The following MED13L variants were observed in gnomAD, a reference collection of about 807,000 sequenced individuals.
The protein encoded by MED13L is mediator of RNA polymerase II transcription subunit 13-like.
A neutral mutation model predicts 220.9 loss-of-function variants in MED13L; 7 were observed. The observed-to-expected ratio is 0.03, with a 90% CI of 0.02 to 0.06. The LOEUF (loss-of-function observed/expected upper bound fraction) is 0.06, where lower values mean the gene tolerates loss of function less well. Among genes scored for constraint, MED13L ranks in the 10% least tolerant of loss-of-function variants. The probability of loss-of-function intolerance (pLI) is 1.00; values close to 1 mark genes in which losing one functional copy is unlikely to be tolerated. For missense variants in MED13L, 1,965 were observed against 2,760.5 expected (o/e 0.71, Z 6.46); for synonymous variants, 1,011 against 1,015.2 (o/e 1.00, Z 0.08).
At chr12:116,051,290 G>GA (rs1447820906) in intron 4 of MED13L, among the ~76,000 whole-genome samples, 2 of 151,512 alleles carry the variant, frequency 1.3e-5, no homozygotes, top group Non-Finnish European at 2.9e-5. Context: ...ATGACAGAGC[G>GA]AGACTCTGTC....
At chr12:115,964,658 T>A (rs901111574) in intron 29 of MED13L, among the ~76,000 whole-genome samples, 14 of 152,342 alleles carry the variant, frequency 9.2e-5, no homozygotes, top group Non-Finnish European at 1.9e-4. Context: ...TCATTTTTTT[T>A]AATGATCACA....
chr12:115,980,606 G>C (rs1877258351), intron 23 of MED13L, 144 bp downstream of exon 23: 1 of 889,516 alleles, frequency 1.1e-6, no homozygotes, highest in South Asian at 1.4e-5. Context: ...CTACAGGTGT[G>C]AGCCAACACA....
chr12:116,012,709 G>A (rs1028658314), intron 9 of MED13L, 88 bp downstream of exon 9: 4 of 957,050 alleles, frequency 4.2e-6, no homozygotes, highest in Non-Finnish European at 6.9e-6. Flanking sequence ...TGGAGAATCA[G>A]GAAGAACTGA....
chr12:116,145,659 CTATTTATT>C (rs558385895), intron 2 of MED13L, among the ~76,000 whole-genome samples: 168 of 123,598 alleles, frequency 1.4e-3, no homozygotes, highest in Middle Eastern at 3.9e-3. Flanking sequence ...ACACTCAACT[CTATTTATT>C]TATTTATTTA....
At chr12:115,975,817 G>A in intron 23 of MED13L, 79 bp from the exon 24 acceptor site, 1 of 1,364,732 alleles carries the variant, frequency 7.3e-7, no homozygotes, top group South Asian at 1.2e-5. Flanking sequence ...ACGACACTGA[G>A]GGGACCCACA....
chr12:116,112,676 T>C (rs538795781), intron 2 of MED13L, among the ~76,000 whole-genome samples: 3 of 152,292 alleles, frequency 2.0e-5, no homozygotes, highest in Non-Finnish European at 4.4e-5. Flanking sequence ...GCAAGAGAAA[T>C]AAAGTACAGC....
Position 116,124,123 on chromosome 12 carries a change from C to CGAGAGAGAGAGAGAGAGAGA in MED13L, c.311-12631_311-12612dup, listed in dbSNP as rs58366115. Among the ~76,000 whole-genome samples the CGAGAGAGAGAGAGAGAGAGA allele has an allele frequency of 6.2e-3, 827 of 133,144 alleles. 10 individuals are homozygous for CGAGAGAGAGAGAGAGAGAGA. Among genetic ancestry groups the CGAGAGAGAGAGAGAGAGAGA allele is most frequent in the Middle Eastern group, 0.012 (3 of 256 alleles). 87.3% of individuals were successfully genotyped at this position (133,144 alleles called of 152,430 possible). ...ACATCTGCAGAGAGAGAGAGAAAGACGAGAGAGAGAGAGAGAGAGAGAGAG... is the reference window on the plus strand; with the variant it reads ...ACATCTGCAGAGAGAGAGAGAAAGACGAGAGAGAGAGAGAGAGAGAGAGAGAGAGAGAGAGAGAGAGAGAG... On this transcript the variant is annotated intron_variant, in intron 2 of 30. Transcript: ENST00000281928.
intron 1 of MED13L, among the ~76,000 whole-genome samples, chr12:116,256,135 A>T: frequency 6.6e-6 from 1 of 152,214 alleles, no homozygotes; most frequent in East Asian, 1.9e-4. Context: ...AATGATACAA[A>T]CATTTTATTT....
At position 116,052,168 on chromosome 12, in the gene MED13L, A is replaced by G. The variant is rs140319619; in HGVS notation, c.480-29567T>C. Among the ~76,000 whole-genome samples the G allele has an allele frequency of 6.4e-4, 97 of 152,288 alleles. 1 individual carries two copies. Among genetic ancestry groups the G allele is most frequent in the African/African-American group, 2.2e-3 (90 of 41,560 alleles). On this transcript the variant is annotated intron_variant, in intron 4 of 30. Coordinates refer to ENST00000281928, the MANE Select transcript of MED13L (RefSeq NM_015335.5). ...AAAAACAGTTTCGTAGTGTTAAATG[A>G]CTTGGATAATGCAAAGGTGTCATTC...
chr12:116,001,892 T>C (rs1475524615), intron 14 of MED13L, among the ~76,000 whole-genome samples: 1 of 152,250 alleles, frequency 6.6e-6, no homozygotes, highest in African/African-American at 2.4e-5. Flanking sequence ...ACTAGCAGGA[T>C]GTCTGCGAGT....
intron 4 of MED13L, among the ~76,000 whole-genome samples, chr12:116,071,074 G>A (rs1566042777): frequency 6.6e-6 from 1 of 151,836 alleles, no homozygotes; most frequent in East Asian, 1.9e-4. Context: ...CGTAATAAAT[G>A]TTCATTGAAG....
At chr12:116,241,080 G>C (rs920622315) in intron 1 of MED13L, among the ~76,000 whole-genome samples, 1 of 151,480 alleles carries the variant, frequency 6.6e-6, no homozygotes, top group South Asian at 2.1e-4. Context: ...AGGCAGAGGC[G>C]GGCGGATCAC....
At chr12:116,109,035 A>G (rs960768106) in intron 3 of MED13L, among the ~76,000 whole-genome samples, 1 of 150,272 alleles carries the variant, frequency 6.7e-6, no homozygotes, top group African/African-American at 2.4e-5. Flanking sequence ...AACTATCCCA[A>G]ACTTTATATG....
In MED13L at chr12:115,991,048, G is replaced by A; in HGVS notation, c.3906C>T (p.Ala1302=). Residue 1302 remains alanine (A), a synonymous_variant, in exon 17 of 31, where the codon GCC becomes GCT. Coordinates refer to ENST00000281928, the MANE Select transcript of MED13L (RefSeq NM_015335.5). The surrounding 1 kb of genome is among the most constrained non-coding windows in gnomAD (Gnocchi z 7.7). ...GKVDEALVRS[A]TVHSWPHSNV... Reference sequence around the variant, plus strand: ...TGCTGTGAGGCCAAGAGTGCACAGTGGCACTTCTCACCAGAGCTTCGTCCA... The same window carrying A: ...TGCTGTGAGGCCAAGAGTGCACAGTAGCACTTCTCACCAGAGCTTCGTCCA... The A allele has an allele frequency of 6.2e-7, 1 of 1,614,076 alleles. No homozygotes were observed. The highest frequency in any genetic ancestry group is 1.3e-5 in the African/African-American group (1 of 75,050).
At chr12:116,140,245 T>A (rs56159711) in intron 2 of MED13L, among the ~76,000 whole-genome samples, 9 of 151,988 alleles carry the variant, frequency 5.9e-5, no homozygotes, top group Admixed American at 4.6e-4. Flanking sequence ...GCGTGATTAT[T>A]GTCTACCTCC....
chr12:116,034,113 C>T (rs565794228), intron 4 of MED13L, among the ~76,000 whole-genome samples: 1 of 152,112 alleles, frequency 6.6e-6, no homozygotes, highest in African/African-American at 2.4e-5. Context: ...ACCTTTAAAG[C>T]CCCAGAATAG....
At chr12:116,239,547 T>C (rs894328073) in intron 1 of MED13L, among the ~76,000 whole-genome samples, 3 of 152,252 alleles carry the variant, frequency 2.0e-5, no homozygotes, top group African/African-American at 7.2e-5. Flanking sequence ...CATAATATTC[T>C]ATTCATTGGA....
chr12:116,050,818 A>G (rs2137584030), intron 4 of MED13L, among the ~76,000 whole-genome samples: 1 of 152,274 alleles, frequency 6.6e-6, no homozygotes, highest in East Asian at 1.9e-4. Flanking sequence ...ACATGCCAGT[A>G]ATCCCAGCTG....
Position 115,987,187 on chromosome 12 carries a change from T to C in MED13L, c.4036A>G (p.Thr1346Ala). The C allele has an allele frequency of 6.2e-7, 1 of 1,614,122 alleles. No individual in the cohort carries two copies. The highest frequency in any genetic ancestry group is 8.5e-7 in the Non-Finnish European group (1 of 1,180,018). Residue 1346 changes from threonine to alanine, a missense_variant, in exon 18 of 31, where the codon ACC becomes GCC. Thr to Ala is a moderately conservative substitution (Grantham distance 58). Transcript: ENST00000281928. ...TGCACATGCTGGATGTTCTCCCAGG[T>C]CCTGCCCGTGCGCTTCTTTTGGATG... is the stretch of plus-strand genomic sequence containing the variant. ...DAIQKKRTGR[T>A]WENIQHVQGP...
Sources: gnomAD v4.1 joint callset for allele counts (sites outside exome capture counted in the v4.1 genomes callset) on GRCh38, gnomAD v4.1.1 for gene constraint, Gnocchi (gnomAD v3.1) non-coding constraint, MANE v1.5 for transcripts, NCBI Gene and HGNC (gene_info 2026-07-23, HGNC 2026-07-21) for gene names.